The following FOXK1 variants were observed in gnomAD, a reference collection of about 807,000 sequenced individuals.
FOXK1 encodes the protein forkhead box protein K1.
In FOXK1, 19 loss-of-function variants were observed where a neutral mutation model predicts 51.9. That is an observed-to-expected ratio of 0.37 (90% CI 0.26 to 0.54). The LOEUF is 0.54. Ranked by LOEUF, FOXK1 falls within the 20% of genes least tolerant of loss-of-function variation. The probability of loss-of-function intolerance (pLI) is 0.87; values close to 1 mark genes in which losing one functional copy is unlikely to be tolerated. For missense variants in FOXK1, 870 were observed against 1,032.7 expected, an observed-to-expected ratio of 0.84 and a Z score of 2.16; for synonymous variants, 537 against 482.6, an observed-to-expected ratio of 1.11 and a Z score of -1.48.
chr7:4,715,033 G>T lies in FOXK1; in HGVS notation c.561-25805G>T, dbSNP rs1562376358. Among the ~76,000 whole-genome samples the T allele has an allele frequency of 6.6e-6, 1 of 152,178 alleles. No individual in the cohort carries two copies. The highest frequency in any genetic ancestry group is 1.5e-5 in the Non-Finnish European group (1 of 68,046). On this transcript the variant is annotated intron_variant, in intron 1 of 8. Coordinates refer to ENST00000328914, the MANE Select transcript of FOXK1 (RefSeq NM_001037165.2). This position sits in a 1 kb window ranked among gnomAD's most constrained non-coding sequence, Gnocchi z 4.5. ...AGCCACACACCAGCGACAATCAGAG[G>T]TTACATAGGCTTGGGGCGTAGCTTT...
At chr7:4,727,134 T>C (rs1469493432) in intron 1 of FOXK1, among the ~76,000 whole-genome samples, 1 of 151,848 alleles carries the variant, frequency 6.6e-6, no homozygotes, top group Non-Finnish European at 1.5e-5. Flanking sequence ...TTATTTTTTG[T>C]AGAGACGGGG....
chr7:4,761,104 C>G lies in FOXK1; in HGVS notation c.1737C>G (p.Pro579=). The G allele has an allele frequency of 1.2e-6, 2 of 1,613,090 alleles. No individual in the cohort carries two copies. Among genetic ancestry groups the G allele is most frequent in the Non-Finnish European group, 1.7e-6 (2 of 1,179,994 alleles). The change falls in exon 8 of 9, where the codon CCC becomes CCG. Residue 579 remains proline, a synonymous_variant. Transcript: ENST00000328914. This position sits in a 1 kb window ranked among gnomAD's most constrained non-coding sequence, Gnocchi z 6.2. ...CCACCATTGCGTTTGCCACAATCCC[C>G]GCGGCTGGTGGAGTCATCCAGACGG... ...EKPTIAFATI[P]AAGGVIQTVA...
Position 4,683,480 on chromosome 7 carries a change from A to C in FOXK1, c.560+612A>C, listed in dbSNP as rs1447459734. Among the ~76,000 whole-genome samples, 2 of 147,072 alleles carry C rather than the reference A, an allele frequency of 1.4e-5. No homozygotes were observed. The highest frequency in any genetic ancestry group is 1.3e-4 in the Admixed American group (2 of 14,818). ...CCCACAAGCCTGGGCTCGCAGGGCC[A>C]CTCCCACCCCAGCTCCACCCAGCTG... On this transcript the variant is annotated intron_variant, in intron 1 of 8. Transcript: ENST00000328914. The surrounding 1 kb of genome is among the most constrained non-coding windows in gnomAD (Gnocchi z 4.5).
At chr7:4,719,026 C>G (rs988220810) in intron 1 of FOXK1, among the ~76,000 whole-genome samples, 1 of 152,170 alleles carries the variant, frequency 6.6e-6, no homozygotes, top group African/African-American at 2.4e-5. Flanking sequence ...TCAGTCTGAT[C>G]TCGAACTCCC....
intron 1 of FOXK1, among the ~76,000 whole-genome samples, chr7:4,695,913 G>A (rs573112875): frequency 7.5e-5 from 11 of 147,646 alleles, no homozygotes; most frequent in African/African-American, 1.3e-4. Flanking sequence ...TCCAGTCTGG[G>A]CAACAAGAGC....
At position 4,749,255 on chromosome 7, in the gene FOXK1, A is replaced by C. The variant is rs7801647; in HGVS notation, c.747-5204A>C. On this transcript the variant is annotated intron_variant, in intron 2 of 8. Coordinates refer to ENST00000328914, the MANE Select transcript of FOXK1 (RefSeq NM_001037165.2). The surrounding 1 kb of genome is among the most constrained non-coding windows in gnomAD (Gnocchi z 6.0). ...TCCCTAGGGACGGGAACCATGTTTC[A>C]TCTCCTCCCAAGCTCCCGTAGGCTT... 8.5e-4 allele frequency among the ~76,000 whole-genome samples: 129 copies of C among 152,054 alleles called. No homozygotes were observed. Among genetic ancestry groups the C allele is most frequent in the African/African-American group, 3.0e-3 (123 of 41,484 alleles).
At chr7:4,718,158 C>A (rs544516821) in intron 1 of FOXK1, among the ~76,000 whole-genome samples, 26 of 152,326 alleles carry the variant, frequency 1.7e-4, no homozygotes, top group Admixed American at 1.0e-3. Context: ...CCTGCACAGC[C>A]CACCAGCCTC....
chr7:4,740,842 A>G lies in FOXK1; in HGVS notation c.565A>G (p.Thr189Ala). ...APALQLPKQC[T>A]FRFPSTAIKI... Reference sequence around the variant, plus strand: ...CCGCTCCTCCTCCTGTTGCAGGTGTACCTTCCGGTTTCCCAGCACGGCCAT... The same window carrying G: ...CCGCTCCTCCTCCTGTTGCAGGTGTGCCTTCCGGTTTCCCAGCACGGCCAT... Residue 189 changes from threonine (T) to alanine (A), a missense_variant, in exon 2 of 9, where the codon ACC becomes GCC. By Grantham distance (58) the Thr-to-Ala change is moderately conservative (BLOSUM62 0). Coordinates refer to ENST00000328914, the MANE Select transcript of FOXK1 (RefSeq NM_001037165.2). The G allele has an allele frequency of 6.3e-7, 1 of 1,591,604 alleles. No homozygotes were observed. Among genetic ancestry groups the G allele is most frequent in the Non-Finnish European group, 8.5e-7 (1 of 1,170,430 alleles).
intron 1 of FOXK1, among the ~76,000 whole-genome samples, chr7:4,737,163 G>T (rs1780563447): frequency 6.6e-6 from 1 of 152,180 alleles, no homozygotes; most frequent in South Asian, 2.1e-4. Flanking sequence ...TCAGTCATGG[G>T]CCAGAAGCCA....
chr7:4,751,292 G>C lies in FOXK1; in HGVS notation c.747-3167G>C, dbSNP rs528816467. Among the ~76,000 whole-genome samples, 43 of 146,142 alleles carry C rather than the reference G, an allele frequency of 2.9e-4. 1 individual carries two copies. Among genetic ancestry groups the C allele is most frequent in the African/African-American group, 1.0e-3 (40 of 39,484 alleles). On this transcript the variant is annotated intron_variant, in intron 2 of 8. Coordinates refer to ENST00000328914, the MANE Select transcript of FOXK1 (RefSeq NM_001037165.2). The stretch of plus-strand genomic sequence containing the variant: ...CCTCGGGTAATCCCAAAAGCATTGG[G>C]ATTACCAATCCCAAAGCACTGGGAT...
In FOXK1 at chr7:4,759,046, TC is replaced by T. The variant is rs775667252; in HGVS notation, c.1245-3del. The T allele has an allele frequency of 1.3e-6, 2 of 1,586,608 alleles. No homozygotes were observed. The highest frequency in any genetic ancestry group is 1.1e-5 in the South Asian group (1 of 87,610). On this transcript the variant is annotated splice_region_variant and splice_polypyrimidine_tract_variant and intron_variant, in intron 5 of 8. Transcript: ENST00000328914. The stretch of plus-strand genomic sequence containing the variant: ...TGACTGCCGCGGCCCTTGCCTGTCT[TC>T]CAGGAGCGCTCCAGCTTCGCCCACA...
intron 1 of FOXK1, among the ~76,000 whole-genome samples, chr7:4,697,139 C>T (rs945659754): frequency 2.6e-5 from 4 of 152,162 alleles, no homozygotes; most frequent in East Asian, 3.9e-4. Flanking sequence ...TGTCTGGAGT[C>T]CAGCGGCCTG....
rs945118792 is a variant in FOXK1, at chr7:4,715,140, G to T, written c.561-25698G>T. Among the ~76,000 whole-genome samples the T allele has an allele frequency of 7.9e-6, 1 of 126,100 alleles. No individual in the cohort carries two copies. Among genetic ancestry groups the T allele is most frequent in the Non-Finnish European group, 1.6e-5 (1 of 60,824 alleles). The allele number at this position is 126,100 out of a possible 152,430, so 82.7% of individuals were successfully genotyped here. A position where few individuals can be genotyped will look rare whatever the true frequency, so the allele number is the denominator to read the frequency against. On this transcript the variant is annotated intron_variant, in intron 1 of 8. Coordinates refer to ENST00000328914, the MANE Select transcript of FOXK1 (RefSeq NM_001037165.2). This position sits in a 1 kb window ranked among gnomAD's most constrained non-coding sequence, Gnocchi z 4.5. ...TGGAATTGTGATATAGTGCACGGTG[G>T]AATTGTGATACGGTACATGGTGGAA... is the stretch of plus-strand genomic sequence containing the variant.
chr7:4,720,647 T>C (rs1183195326), intron 1 of FOXK1, among the ~76,000 whole-genome samples: 2 of 151,846 alleles, frequency 1.3e-5, no homozygotes, highest in African/African-American at 4.8e-5. Flanking sequence ...GGCAGATGCT[T>C]CCTGAGAATT....
At chr7:4,720,461 C>T (rs1233262028) in intron 1 of FOXK1, among the ~76,000 whole-genome samples, 1 of 152,114 alleles carries the variant, frequency 6.6e-6, no homozygotes, top group East Asian at 1.9e-4. Context: ...GATTTCTTTC[C>T]TATGGCTTTT....
At chr7:4,744,620 C>G (rs1780677426) in intron 2 of FOXK1, among the ~76,000 whole-genome samples, 1 of 152,272 alleles carries the variant, frequency 6.6e-6, no homozygotes, top group African/African-American at 2.4e-5. Context: ...AAATTGTGTA[C>G]TGAGCACCTG....
rs919336651 is a variant in FOXK1, at chr7:4,734,400, C to T, written c.561-6438C>T. Among the ~76,000 whole-genome samples the T allele has an allele frequency of 3.3e-5, 5 of 152,184 alleles. No individual in the cohort carries two copies. The highest frequency in any genetic ancestry group is 1.2e-4 in the African/African-American group (5 of 41,468). ...TGGCCTTGGTGGGCAGGTGCAGGGC[C>T]CGCTCCCTCCTTGGGAGGATGAGAT... On this transcript the variant is annotated intron_variant, in intron 1 of 8. Transcript: ENST00000328914. This position sits in a 1 kb window ranked among gnomAD's most constrained non-coding sequence, Gnocchi z 5.2.
rs758828253 is a variant in FOXK1 at position 4,682,822 on chromosome 7, G to A, written c.514G>A (p.Gly172Arg). 1.3e-6 allele frequency: 2 copies of A among 1,574,888 alleles called. No homozygotes were observed. Among genetic ancestry groups the A allele is most frequent in the Non-Finnish European group, 1.7e-6 (2 of 1,166,740 alleles). The change falls in exon 1 of 9, where the codon GGG (glycine) becomes AGG (arginine). Residue 172 changes from glycine (G) to arginine (R), a missense_variant. Around this residue, in one of 3 missense-constraint regions of FOXK1, gnomAD observed 399 missense variants for 475.6 expected, o/e 0.84. Coordinates refer to ENST00000328914, the MANE Select transcript of FOXK1 (RefSeq NM_001037165.2). The surrounding 1 kb of genome is among the most constrained non-coding windows in gnomAD (Gnocchi z 7.6). ...CGGCAAGAACGGCGTCTTCGTGGAC[G>A]GGGCCTTCCAGAGACGCGGCGCGCC... ...CLGKNGVFVD[G>R]AFQRRGAPAL... is the part of the protein sequence containing the mutation.
chr7:4,752,447 C>G lies in FOXK1; in HGVS notation c.747-2012C>G, dbSNP rs111856032. ...GGCATGAGCCACCGCACCCGGCAGA[C>G]ATGAATTTTCTATGATCTTCTGCAA... is the stretch of plus-strand genomic sequence containing the variant. On this transcript the variant is annotated intron_variant, in intron 2 of 8. Coordinates refer to ENST00000328914, the MANE Select transcript of FOXK1 (RefSeq NM_001037165.2). Among the ~76,000 whole-genome samples, 1,343 of 152,338 alleles carry G rather than the reference C, an allele frequency of 8.8e-3. 29 individuals are homozygous for G. Among genetic ancestry groups the G allele is most frequent in the African/African-American group, 0.03 (1,241 of 41,586 alleles).
Sources: gnomAD v4.1 joint callset for allele counts (sites outside exome capture counted in the v4.1 genomes callset) on GRCh38, gnomAD v4.1.1 for gene constraint, gnomAD v4.1.1 regional missense constraint, Gnocchi (gnomAD v3.1) non-coding constraint, MANE v1.5 for transcripts, NCBI Gene and HGNC (gene_info 2026-07-23, HGNC 2026-07-21) for gene names.